Variants in ERBB4 observed in about 807,000 individuals in gnomAD.
ERBB4 encodes the protein receptor tyrosine-protein kinase erbB-4.
Under a neutral mutation model 158.0 loss-of-function variants are expected in ERBB4, and 42 were observed. That is an observed-to-expected ratio of 0.27 (90% CI 0.21 to 0.34). The LOEUF (loss-of-function observed/expected upper bound fraction) is 0.34, where lower values mean the gene tolerates loss of function less well. Ranked by LOEUF, ERBB4 falls within the 10% of genes least tolerant of loss-of-function variation. The pLI, the probability that ERBB4 is intolerant of heterozygous loss-of-function variation, is 1.00. For synonymous variants in ERBB4, 583 were observed against 558.7 expected, an observed-to-expected ratio of 1.04 and a Z score of -0.61; for missense variants, 1,333 against 1,624.1, an observed-to-expected ratio of 0.82 and a Z score of 3.08.
intron 3 of ERBB4, among the ~76,000 whole-genome samples, chr2:211,854,285 T>G (rs1452397706): frequency 6.7e-6 from 1 of 150,054 alleles, no homozygotes; most frequent in Non-Finnish European, 1.5e-5. Context: ...AATTCTCATA[T>G]TATCATATGT....
chr2:211,745,728 AAC>A (rs1417265982), intron 5 of ERBB4, among the ~76,000 whole-genome samples: 2,464 of 125,708 alleles, frequency 0.02, 130 homozygotes, highest in African/African-American at 0.06. Flanking sequence ...AAAAAACAAA[AAC>A]AAAACAAAAA....
chr2:211,491,014 CT>C (rs1559221594), intron 20 of ERBB4, among the ~76,000 whole-genome samples: 1 of 151,976 alleles, frequency 6.6e-6, no homozygotes, highest in East Asian at 1.9e-4. Flanking sequence ...AGAGACCCTG[CT>C]AGGATCCTAA....
intron 1 of ERBB4, among the ~76,000 whole-genome samples, chr2:212,278,638 C>T: frequency 6.6e-6 from 1 of 151,406 alleles, no homozygotes; most frequent in Non-Finnish European, 1.5e-5. Context: ...CAGCAAGTCA[C>T]AAAAAATAAT....
At chr2:212,311,061 G>A (rs77606545) in intron 1 of ERBB4, among the ~76,000 whole-genome samples, 2,928 of 150,800 alleles carry the variant, frequency 0.019, 99 homozygotes, top group African/African-American at 0.067. Context: ...AACAGATGTT[G>A]ACAGTACAAA....
chr2:211,975,309 G>GA (rs1465813338), intron 2 of ERBB4, among the ~76,000 whole-genome samples: 1 of 152,130 alleles, frequency 6.6e-6, no homozygotes, highest in African/African-American at 2.4e-5. Context: ...TGGCATTAAG[G>GA]AAAAACAATT....
chr2:211,693,773 C>T (rs1021787504), intron 12 of ERBB4, among the ~76,000 whole-genome samples: 1 of 152,144 alleles, frequency 6.6e-6, no homozygotes, highest in African/African-American at 2.4e-5. Context: ...GAAATTTATT[C>T]TCTCACAATT....
chr2:212,315,292 A>C (rs188637008), intron 1 of ERBB4, among the ~76,000 whole-genome samples: 66 of 151,506 alleles, frequency 4.4e-4, no homozygotes, highest in African/African-American at 1.6e-3. Flanking sequence ...CTAGAGGTTC[A>C]CTTTCTCTTA....
At chr2:211,407,606 T>C (rs1202480587) in intron 25 of ERBB4, among the ~76,000 whole-genome samples, 1 of 152,250 alleles carries the variant, frequency 6.6e-6, no homozygotes, top group Non-Finnish European at 1.5e-5. Flanking sequence ...GATATAGTCA[T>C]AGTATTTGGA....
At chr2:211,420,177 T>C (rs981789957) in intron 25 of ERBB4, among the ~76,000 whole-genome samples, 1 of 151,990 alleles carries the variant, frequency 6.6e-6, no homozygotes, top group African/African-American at 2.4e-5. Flanking sequence ...AAGATTTGTT[T>C]TAAATAAATT....
intron 3 of ERBB4, among the ~76,000 whole-genome samples, chr2:211,884,652 T>A (rs1364823421): frequency 6.6e-6 from 1 of 152,174 alleles, no homozygotes; most frequent in Non-Finnish European, 1.5e-5. Context: ...TAGCATTTCA[T>A]TATCCTCTGT....
intron 1 of ERBB4, among the ~76,000 whole-genome samples, chr2:212,214,650 G>A (rs1043900659): frequency 6.9e-6 from 1 of 145,402 alleles, no homozygotes; most frequent in Non-Finnish European, 1.5e-5. Flanking sequence ...ATACATTGCT[G>A]ATGGAAGTGT....
intron 20 of ERBB4, among the ~76,000 whole-genome samples, chr2:211,554,178 T>A (rs2067176565): frequency 6.6e-6 from 1 of 152,184 alleles, no homozygotes; most frequent in South Asian, 2.1e-4. Context: ...GAGGAAAGAA[T>A]GCAGAGTGGT....
intron 1 of ERBB4, among the ~76,000 whole-genome samples, chr2:212,147,663 A>T (rs1007979197): frequency 6.6e-6 from 1 of 152,184 alleles, no homozygotes; most frequent in Admixed American, 6.5e-5. Flanking sequence ...TAAATTGAGG[A>T]TGTATGTATT....
chr2:212,455,270 G>T (rs968343844), intron 1 of ERBB4, among the ~76,000 whole-genome samples: 6 of 152,170 alleles, frequency 3.9e-5, no homozygotes, highest in African/African-American at 1.4e-4. Context: ...CTCCCAGGAT[G>T]TAAGGCTTCA....
intron 2 of ERBB4, among the ~76,000 whole-genome samples, chr2:211,977,514 T>C (rs1417359479): frequency 8.3e-6 from 1 of 120,066 alleles, no homozygotes; most frequent in East Asian, 2.7e-4. Context: ...GGCCTTACTT[T>C]GTTAAGATAT....
intron 3 of ERBB4, among the ~76,000 whole-genome samples, chr2:211,837,425 G>C (rs1004646380): frequency 3.9e-5 from 6 of 152,060 alleles, no homozygotes; most frequent in African/African-American, 1.4e-4. Flanking sequence ...AGCATGAGAG[G>C]CTTAATCTAA....
At chr2:211,824,615 G>A (rs966975003) in intron 3 of ERBB4, among the ~76,000 whole-genome samples, 14 of 151,778 alleles carry the variant, frequency 9.2e-5, no homozygotes, top group Non-Finnish European at 1.5e-5. Flanking sequence ...TTTTACCTAA[G>A]TAGAATAGAT....
chr2:212,106,689 C>T (rs1244481514), intron 2 of ERBB4, among the ~76,000 whole-genome samples: 1 of 152,228 alleles, frequency 6.6e-6, no homozygotes, highest in Non-Finnish European at 1.5e-5. Flanking sequence ...CAGCCCCTCC[C>T]ATCACAGGCC....
chr2:211,469,946 T>C (rs763132834), intron 20 of ERBB4, among the ~76,000 whole-genome samples: 7 of 152,092 alleles, frequency 4.6e-5, no homozygotes, highest in Non-Finnish European at 8.8e-5. Flanking sequence ...CATATAATTA[T>C]ATTAAGAGAG....
Sources: gnomAD v4.1 joint callset for allele counts (sites outside exome capture counted in the v4.1 genomes callset) on GRCh38, gnomAD v4.1.1 for gene constraint, MANE v1.5 for transcripts, NCBI Gene and HGNC (gene_info 2026-07-23, HGNC 2026-07-21) for gene names.